PRKG1: variants seen among roughly 807,000 people sequenced by gnomAD.
The protein encoded by PRKG1 is cGMP-dependent protein kinase 1.
Under a neutral mutation model 88.1 loss-of-function variants are expected in PRKG1, and 35 were observed. That is an observed-to-expected ratio of 0.40 (90% CI 0.30 to 0.53). PRKG1 has a LOEUF of 0.53. Ranked by LOEUF, PRKG1 falls within the 20% of genes least tolerant of loss-of-function variation. PRKG1 has a pLI of 0.59. For missense variants in PRKG1, 540 were observed against 839.8 expected (o/e 0.64, Z 4.41); for synonymous variants, 303 against 292.5 (o/e 1.04, Z -0.37).
At chr10:51,327,301 C>T (rs913141502) in intron 2 of PRKG1, among the ~76,000 whole-genome samples, 7 of 151,380 alleles carry the variant, frequency 4.6e-5, no homozygotes, top group African/African-American at 1.7e-4. Flanking sequence ...GTTGTAATCC[C>T]AGCTACTCGG....
chr10:51,786,596 G>A (rs1034014125), intron 3 of PRKG1, among the ~76,000 whole-genome samples: 10 of 152,134 alleles, frequency 6.6e-5, no homozygotes, highest in African/African-American at 2.4e-4. Context: ...AGTTGAGCCT[G>A]GCACTCACCA....
At chr10:51,500,544 C>T (rs533139211) in intron 3 of PRKG1, among the ~76,000 whole-genome samples, 1 of 152,168 alleles carries the variant, frequency 6.6e-6, no homozygotes, top group Non-Finnish European at 1.5e-5. Flanking sequence ...AATATCCAGG[C>T]TTGCTTAGAG....
At chr10:51,737,690 C>T (rs893494698) in intron 3 of PRKG1, among the ~76,000 whole-genome samples, 2 of 150,130 alleles carry the variant, frequency 1.3e-5, no homozygotes, top group Non-Finnish European at 3.0e-5. Context: ...TGGTAGGGAG[C>T]CTAGGACTCT....
chr10:51,182,185 G>A (rs915714528), intron 2 of PRKG1, among the ~76,000 whole-genome samples: 3 of 152,108 alleles, frequency 2.0e-5, no homozygotes, highest in Middle Eastern at 6.3e-3. Context: ...TCAAGTTGAT[G>A]GTATTTTGAG....
At chr10:51,908,699 C>CTATCTATCTATCTATCTA (rs1491278912) in intron 5 of PRKG1, 1 of 95,046 alleles carries the variant, frequency 1.1e-5, no homozygotes, top group Non-Finnish European at 2.2e-5. Flanking sequence ...GTGACTCTCT[C>CTATCTATCTATCTATCTA]TCTCTCTCTC....
chr10:51,033,595 A>G (rs987122226), intron 1 of PRKG1, among the ~76,000 whole-genome samples: 1 of 152,238 alleles, frequency 6.6e-6, no homozygotes, highest in East Asian at 1.9e-4. Flanking sequence ...GATGTATCCA[A>G]TAAATATGTG....
At chr10:51,796,744 A>G (rs1839021863) in intron 3 of PRKG1, among the ~76,000 whole-genome samples, 2 of 152,130 alleles carry the variant, frequency 1.3e-5, no homozygotes, top group Non-Finnish European at 2.9e-5. Context: ...AGACTGAGTA[A>G]AATGATCCAC....
At chr10:51,284,272 A>T (rs1840376240) in intron 2 of PRKG1, among the ~76,000 whole-genome samples, 1 of 152,232 alleles carries the variant, frequency 6.6e-6, no homozygotes, top group Non-Finnish European at 1.5e-5. Flanking sequence ...AAAGGGAACT[A>T]GTATTTATTG....
chr10:51,193,815 T>C (rs962219826), intron 2 of PRKG1, among the ~76,000 whole-genome samples: 1 of 152,102 alleles, frequency 6.6e-6, no homozygotes, highest in Non-Finnish European at 1.5e-5. Flanking sequence ...CCACAACTTT[T>C]CTCAGCCCCT....
chr10:51,295,612 G>C (rs1471294774), intron 2 of PRKG1, among the ~76,000 whole-genome samples: 1 of 151,472 alleles, frequency 6.6e-6, no homozygotes, highest in East Asian at 1.9e-4. Flanking sequence ...TTCCTAATTA[G>C]ATGCATTCTA....
At chr10:51,578,074 T>A (rs540074192) in intron 3 of PRKG1, among the ~76,000 whole-genome samples, 3 of 152,234 alleles carry the variant, frequency 2.0e-5, no homozygotes, top group Non-Finnish European at 4.4e-5. Context: ...TTGTAGTCTA[T>A]TAAATCCCTC....
chr10:51,100,572 C>T (rs1182007309), intron 1 of PRKG1, among the ~76,000 whole-genome samples: 1 of 152,166 alleles, frequency 6.6e-6, no homozygotes, highest in Non-Finnish European at 1.5e-5. Context: ...CTGTGACTGC[C>T]AATAAGCATA....
At chr10:51,542,100 A>G (rs1842318114) in intron 3 of PRKG1, among the ~76,000 whole-genome samples, 1 of 152,000 alleles carries the variant, frequency 6.6e-6, no homozygotes, top group Non-Finnish European at 1.5e-5. Flanking sequence ...GAAACCCTTG[A>G]TTTGTGAGAT....
At chr10:51,086,779 G>A (rs1374147035) in intron 1 of PRKG1, among the ~76,000 whole-genome samples, 3 of 152,106 alleles carry the variant, frequency 2.0e-5, no homozygotes, top group Admixed American at 6.5e-5. Flanking sequence ...TACTCTTCTC[G>A]AGTGACCCTT....
chr10:51,923,877 A>G (rs1842515701), intron 5 of PRKG1, among the ~76,000 whole-genome samples: 1 of 151,424 alleles, frequency 6.6e-6, no homozygotes, highest in Non-Finnish European at 1.5e-5. Flanking sequence ...TGCCCAGGCT[A>G]GAGTGCAGTG....
intron 5 of PRKG1, among the ~76,000 whole-genome samples, chr10:51,918,754 CA>C (rs1297743084): frequency 1.4e-4 from 21 of 152,160 alleles, no homozygotes; most frequent in African/African-American, 4.6e-4. Flanking sequence ...AGCATCTGAG[CA>C]GATCACGATG....
intron 4 of PRKG1, among the ~76,000 whole-genome samples, chr10:51,830,049 C>T (rs1839965858): frequency 6.6e-6 from 1 of 152,144 alleles, no homozygotes; most frequent in Non-Finnish European, 1.5e-5. Flanking sequence ...CCTATATTTA[C>T]ATGGTGACCA....
At chr10:51,458,263 T>C (rs1839646284) in intron 2 of PRKG1, among the ~76,000 whole-genome samples, 1 of 152,060 alleles carries the variant, frequency 6.6e-6, no homozygotes, top group Non-Finnish European at 1.5e-5. Flanking sequence ...TTTTAATAAG[T>C]GGAGTAGGAG....
chr10:51,313,393 T>G (rs986416379), intron 2 of PRKG1, among the ~76,000 whole-genome samples: 1 of 152,188 alleles, frequency 6.6e-6, no homozygotes, highest in Non-Finnish European at 1.5e-5. Flanking sequence ...TTCTATCTTA[T>G]TTCACTTTGT....
Sources: allele counts gnomAD v4.1 joint callset (sites outside exome capture counted in the v4.1 genomes callset), GRCh38; gene constraint gnomAD v4.1.1; transcripts MANE v1.5; gene names NCBI Gene and HGNC (gene_info 2026-07-23, HGNC 2026-07-21).